The following SYNRG variants were observed in gnomAD, a reference collection of about 807,000 sequenced individuals.
SYNRG encodes the protein AP1 gamma subunit binding protein 1.
A neutral mutation model predicts 130.9 loss-of-function variants in SYNRG; 37 were observed. The observed-to-expected ratio is 0.28, with a 90% confidence interval of 0.22 to 0.37. The LOEUF (loss-of-function observed/expected upper bound fraction) is 0.37, where lower values mean the gene tolerates loss of function less well. Ranked by LOEUF, SYNRG falls within the 10% of genes least tolerant of loss-of-function variation. The pLI is 1.00. For synonymous variants in SYNRG, 539 were observed against 568.1 expected, an observed-to-expected ratio of 0.95 and a Z score of 0.73; for missense variants, 1,338 against 1,588.9, an observed-to-expected ratio of 0.84 and a Z score of 2.68.
intron 1 of SYNRG, among the ~76,000 whole-genome samples, chr17:37,601,871 G>A (rs8064288): frequency 0.17 from 26,269 of 151,712 alleles, 2,705 homozygotes; most frequent in East Asian, 0.52. Flanking sequence ...CACCATGATG[G>A]CCAGGCTGGT....
In SYNRG at chr17:37,518,762, A is replaced by G. The variant is rs2054616905; in HGVS notation, c.*178T>C. 1 of 738,838 alleles carries G rather than the reference A, an allele frequency of 1.4e-6. No homozygotes were observed. The highest frequency in any genetic ancestry group is 4.2e-4 in the Middle Eastern group (1 of 2,356). 45.8% of individuals were successfully genotyped at this position (738,838 alleles called of 1,614,324 possible). A position where few individuals can be genotyped will look rare whatever the true frequency, so the allele number is the denominator to read the frequency against. The stretch of plus-strand genomic sequence containing the variant: ...TGCCACGTGCAGTTTGGGTGGGACA[A>G]TTTTACCTGAAGTCCTGCAGACTGG... On this transcript the variant is annotated 3_prime_UTR_variant, in exon 22 of 22. Transcript: ENST00000612223.
At chr17:37,542,607 T>C (rs2057868078) in intron 14 of SYNRG, 42 bp from the exon 15 acceptor site, 1 of 1,532,858 alleles carries the variant, frequency 6.5e-7, no homozygotes, top group African/African-American at 1.4e-5. Flanking sequence ...GCAAGCAATT[T>C]AGGCAAAATG....
chr17:37,605,471 T>C (rs2063672640), intron 1 of SYNRG, among the ~76,000 whole-genome samples: 1 of 152,188 alleles, frequency 6.6e-6, no homozygotes, highest in Non-Finnish European at 1.5e-5. Flanking sequence ...GCTGCTAAAG[T>C]CTCAGCTAAG....
intron 6 of SYNRG, chr17:37,578,997 T>C (rs1413865409): frequency 1.8e-5 from 11 of 602,170 alleles, no homozygotes; most frequent in Non-Finnish European, 2.3e-5. Flanking sequence ...ACTTGTTTTG[T>C]TGAATTTCAA....
At chr17:37,530,471 A>G (rs747030696) in intron 19 of SYNRG, among the ~76,000 whole-genome samples, 1 of 152,222 alleles carries the variant, frequency 6.6e-6, no homozygotes, top group South Asian at 2.1e-4. Flanking sequence ...ACATATCACT[A>G]GCGAATCAAT....
intron 11 of SYNRG, chr17:37,568,590 A>T: frequency 2.0e-6 from 1 of 507,842 alleles, no homozygotes; most frequent in South Asian, 3.9e-5. Flanking sequence ...TACTTACAGG[A>T]AACAGTAGGA....
chr17:37,602,610 G>A (rs2063390092), intron 1 of SYNRG, among the ~76,000 whole-genome samples: 1 of 152,250 alleles, frequency 6.6e-6, no homozygotes, highest in Non-Finnish European at 1.5e-5. Flanking sequence ...AATGGTGATT[G>A]TTAAGTGAGT....
intron 1 of SYNRG, among the ~76,000 whole-genome samples, chr17:37,606,881 C>T (rs2063793303): frequency 1.3e-5 from 2 of 152,002 alleles, no homozygotes; most frequent in African/African-American, 4.8e-5. Flanking sequence ...AGAGAAGTTG[C>T]CTGTTTTTTT....
intron 1 of SYNRG, among the ~76,000 whole-genome samples, chr17:37,604,392 C>A (rs967571517): frequency 2.0e-5 from 3 of 152,182 alleles, no homozygotes; most frequent in African/African-American, 7.2e-5. Flanking sequence ...TTGCTTAAAC[C>A]TCATAAACTG....
intron 17 of SYNRG, 83 bp from the exon 18 acceptor site, chr17:37,538,503 G>A (rs1403634962): frequency 1.4e-5 from 13 of 924,952 alleles, no homozygotes; most frequent in Admixed American, 2.5e-5. Context: ...AAACCCAACC[G>A]AAAAGCCAGG....
At chr17:37,565,390 G>A (rs895153921) in intron 11 of SYNRG, among the ~76,000 whole-genome samples, 8 of 152,194 alleles carry the variant, frequency 5.3e-5, no homozygotes, top group South Asian at 2.1e-4. Context: ...ATCTCGGCTC[G>A]CTACAACCTC....
intron 1 of SYNRG, among the ~76,000 whole-genome samples, chr17:37,602,482 A>T (rs2063375745): frequency 6.6e-6 from 1 of 152,246 alleles, no homozygotes; most frequent in Non-Finnish European, 1.5e-5. Flanking sequence ...GGGAGTGCTT[A>T]TAACTGAGAG....
chr17:37,585,294 T>C lies in SYNRG; in HGVS notation c.477+31A>G, dbSNP rs201990174. The C allele has an allele frequency of 4.7e-4, 735 of 1,563,442 alleles. 4 individuals are homozygous for C. In the African/African-American group the frequency reaches 8.8e-3, roughly 19 times the overall value. ...AAGAGGCACATTCAGGGTGTGTATG[T>C]TCTGGGTGAAGAGAAGTATTGAAAT... is the stretch of plus-strand genomic sequence containing the variant. On this transcript the variant is annotated intron_variant, in intron 5 of 21. Transcript: ENST00000612223.
chr17:37,580,968 C>G (rs1224989606), intron 6 of SYNRG, among the ~76,000 whole-genome samples: 1 of 152,110 alleles, frequency 6.6e-6, no homozygotes, highest in Non-Finnish European at 1.5e-5. Context: ...CCATGCCTGG[C>G]CAAGACAAGA....
At position 37,520,666 on chromosome 17, in the gene SYNRG, C is replaced by A. The variant is rs772645788; in HGVS notation, c.3667-18G>T. 6.2e-7 allele frequency: 1 copy of A among 1,607,436 alleles called. No individual in the cohort carries two copies. On this transcript the variant is annotated intron_variant, in intron 19 of 21. Coordinates refer to ENST00000612223, the MANE Select transcript of SYNRG (RefSeq NM_007247.6). The stretch of plus-strand genomic sequence containing the variant: ...TCATCTGGCTGTGAGGACGACAAGA[C>A]AAATGGGTAAGAAGTCCACAAGTCC...
intron 6 of SYNRG, among the ~76,000 whole-genome samples, chr17:37,579,874 C>G (rs2061151696): frequency 6.6e-6 from 1 of 151,982 alleles, no homozygotes; most frequent in Admixed American, 6.6e-5. Flanking sequence ...GCATACCCAG[C>G]TAATTCTTCC....
chr17:37,584,797 T>C, intron 5 of SYNRG, 38 bp from the exon 6 acceptor site: 3 of 1,499,852 alleles, frequency 2.0e-6, no homozygotes, highest in Admixed American at 3.4e-5. Context: ...TCTTTACTTA[T>C]CCCTCACTGT....
chr17:37,579,496 T>C (rs930568375), intron 6 of SYNRG: 4 of 1,192,498 alleles, frequency 3.4e-6, no homozygotes, highest in South Asian at 1.3e-5. Flanking sequence ...AAAAAGGAAT[T>C]AAGATGTAGT....
At chr17:37,583,285 A>G (rs2061469606) in intron 6 of SYNRG, among the ~76,000 whole-genome samples, 1 of 152,184 alleles carries the variant, frequency 6.6e-6, no homozygotes, top group Admixed American at 6.6e-5. Flanking sequence ...CTTCTAATAT[A>G]TATTCCTAAA....
Sources: gnomAD v4.1 joint callset for allele counts (sites outside exome capture counted in the v4.1 genomes callset) on GRCh38, gnomAD v4.1.1 for gene constraint, MANE v1.5 for transcripts, NCBI Gene and HGNC (gene_info 2026-07-23, HGNC 2026-07-21) for gene names.